The following DNMBP variants were observed in gnomAD, a reference collection of about 807,000 sequenced individuals.
The protein encoded by DNMBP is dynamin binding protein.
DNMBP carries 87 observed loss-of-function variants against 150.0 expected under a neutral mutation model. The observed-to-expected ratio is 0.58, with a 90% CI of 0.49 to 0.69. The LOEUF (loss-of-function observed/expected upper bound fraction) is 0.69, where lower values mean the gene tolerates loss of function less well. DNMBP is among the 30% of genes least tolerant of loss of function. The probability of loss-of-function intolerance (pLI) is 0.00; values close to 1 mark genes in which losing one functional copy is unlikely to be tolerated. For synonymous variants in DNMBP, 711 were observed against 750.4 expected, an observed-to-expected ratio of 0.95 and a Z score of 0.86; for missense variants, 1,774 against 1,949.0, an observed-to-expected ratio of 0.91 and a Z score of 1.69.
chr10:100,002,566 GCT>G (rs1220399785), intron 1 of DNMBP, among the ~76,000 whole-genome samples: 1 of 152,102 alleles, frequency 6.6e-6, no homozygotes, highest in Admixed American at 6.6e-5. Context: ...CCTGAGTATG[GCT>G]CTTTCTCTCA....
chr10:99,998,691 T>C (rs1382093516), intron 1 of DNMBP, among the ~76,000 whole-genome samples: 1 of 151,904 alleles, frequency 6.6e-6, no homozygotes, highest in Non-Finnish European at 1.5e-5. Flanking sequence ...AAGTGGGAAA[T>C]TGTGAACATT....
chr10:99,915,109 ATATAT>A (rs1262427703), intron 4 of DNMBP, among the ~76,000 whole-genome samples: 1 of 53,816 alleles, frequency 1.9e-5, no homozygotes, highest in East Asian at 3.1e-4. Flanking sequence ...AAAAAAAAAA[ATATAT>A]ATATATATAT....
At chr10:99,885,555 G>A in intron 14 of DNMBP, 132 bp downstream of exon 14, 1 of 871,082 alleles carries the variant, frequency 1.1e-6, no homozygotes, top group Admixed American at 3.0e-5. Flanking sequence ...TGATGGGTGA[G>A]AATGCAACAC....
chr10:99,889,163 C>G, intron 11 of DNMBP: 1 of 519,618 alleles, frequency 1.9e-6, no homozygotes, highest in Non-Finnish European at 3.3e-6. Flanking sequence ...TAATTCTTAA[C>G]AAAACTGTTG....
chr10:100,003,614 G>C (rs1023546053), intron 1 of DNMBP, among the ~76,000 whole-genome samples: 4 of 152,166 alleles, frequency 2.6e-5, no homozygotes, highest in African/African-American at 9.7e-5. Context: ...AGCACACTTT[G>C]AGGTGGGAAG....
At chr10:99,959,238 T>C (rs1209850728) in intron 3 of DNMBP, among the ~76,000 whole-genome samples, 1 of 152,232 alleles carries the variant, frequency 6.6e-6, no homozygotes, top group Non-Finnish European at 1.5e-5. Context: ...AATAGACTGA[T>C]AAACAAGTTT....
chr10:99,907,946 A>G (rs375905392), intron 6 of DNMBP, 49 bp downstream of exon 6: 12 of 1,436,578 alleles, frequency 8.4e-6, no homozygotes, highest in African/African-American at 2.8e-5. Context: ...ACTCCTGCCC[A>G]TGAAGTTTTT....
intron 4 of DNMBP, among the ~76,000 whole-genome samples, chr10:99,922,098 G>A (rs934834104): frequency 6.6e-6 from 1 of 152,054 alleles, no homozygotes; most frequent in Non-Finnish European, 1.5e-5. Context: ...ATGACTACCA[G>A]CACTGTCACA....
At chr10:99,978,997 A>C (rs1564752619) in intron 1 of DNMBP, among the ~76,000 whole-genome samples, 2 of 152,226 alleles carry the variant, frequency 1.3e-5, no homozygotes, top group Non-Finnish European at 2.9e-5. Flanking sequence ...AATGGCAGTA[A>C]ATCTGATTAA....
Position 99,879,821 on chromosome 10 carries a change from T to C in DNMBP, c.4538A>G (p.Glu1513Gly), listed in dbSNP as rs760025415. The C allele has an allele frequency of 6.2e-6, 10 of 1,613,936 alleles. No homozygotes were observed. The highest frequency in any genetic ancestry group is 1.1e-5 in the South Asian group (1 of 91,080). Residue 1513 changes from glutamate (E) to glycine (G), a missense_variant, in exon 16 of 17, where the codon GAA becomes GGA. Around this residue, in one of 2 missense-constraint regions of DNMBP, gnomAD observed 1,430 missense variants for 1,492.5 expected, o/e 0.96. Coordinates refer to ENST00000324109, the MANE Select transcript of DNMBP (RefSeq NM_015221.4). ...CTCTTACGCACTCACCTGGTTGCCT[T>C]CTGCCTCACTGCCATCTGGCTCTGT... is the stretch of plus-strand genomic sequence containing the variant. ...RSTEPDGSEAEGNQVYFAVYT... is the reference protein window; with the variant it reads ...RSTEPDGSEAGGNQVYFAVYT...
At chr10:99,935,530 G>A (rs2040220076) in intron 4 of DNMBP, among the ~76,000 whole-genome samples, 1 of 152,094 alleles carries the variant, frequency 6.6e-6, no homozygotes, top group Non-Finnish European at 1.5e-5. Flanking sequence ...GAGACTACAG[G>A]CAATAGCCAC....
At chr10:99,984,023 CTTCAGGATTGA>C (rs912560732) in intron 1 of DNMBP, among the ~76,000 whole-genome samples, 6 of 152,172 alleles carry the variant, frequency 3.9e-5, no homozygotes, top group Admixed American at 2.6e-4. Flanking sequence ...AATAAGAAAG[CTTCAGGATTGA>C]CTCTCACAGT....
chr10:99,961,665 T>G (rs1003040411), intron 3 of DNMBP, among the ~76,000 whole-genome samples: 10 of 152,242 alleles, frequency 6.6e-5, no homozygotes, highest in Admixed American at 1.3e-4. Context: ...GTCTACCAAT[T>G]GATTCATGAC....
At chr10:99,926,310 G>C (rs1488748533) in intron 4 of DNMBP, among the ~76,000 whole-genome samples, 2 of 151,886 alleles carry the variant, frequency 1.3e-5, no homozygotes, top group East Asian at 3.9e-4. Flanking sequence ...CTAGAGATGT[G>C]GTCTCACTCT....
At position 99,899,791 on chromosome 10, in the gene DNMBP, T is replaced by G. The variant is rs2039712239; in HGVS notation, c.2702+128A>C. On this transcript the variant is annotated intron_variant, in intron 7 of 16. Coordinates refer to ENST00000324109, the MANE Select transcript of DNMBP (RefSeq NM_015221.4). ...GACAAAAATACAATCAGGAAACCACTTAAATGATATATATCATGGATATCT... is the reference window on the plus strand; with the variant it reads ...GACAAAAATACAATCAGGAAACCACGTAAATGATATATATCATGGATATCT... The G allele has an allele frequency of 8.3e-6, 9 of 1,086,062 alleles. No homozygotes were observed. The South Asian group carries it at 9.1e-5, about 11-fold the overall frequency. The allele number at this position is 1,086,062 out of a possible 1,614,324, so 67.3% of individuals were successfully genotyped here. A position where few individuals can be genotyped will look rare whatever the true frequency, so the allele number is the denominator to read the frequency against.
intron 1 of DNMBP, among the ~76,000 whole-genome samples, chr10:99,998,524 G>A (rs191957252): frequency 5.6e-4 from 80 of 144,144 alleles, no homozygotes; most frequent in Non-Finnish European, 9.8e-4. Context: ...AGGTTGCAGT[G>A]AGCCAAGATC....
intron 4 of DNMBP, chr10:99,930,286 C>CAGTCA: frequency 1.4e-6 from 1 of 702,968 alleles, no homozygotes. Flanking sequence ...CCCCTACAGT[C>CAGTCA]AGTCAACTGT....
intron 1 of DNMBP, among the ~76,000 whole-genome samples, chr10:99,980,446 CAAAAA>C (rs35133099): frequency 8.5e-6 from 1 of 118,178 alleles, no homozygotes; most frequent in Admixed American, 8.8e-5. Context: ...GACTCCGTCT[CAAAAA>C]AAAAAAAAAA....
chr10:99,917,912 T>C (rs2039981543), intron 4 of DNMBP, among the ~76,000 whole-genome samples: 1 of 145,456 alleles, frequency 6.9e-6, no homozygotes, highest in Middle Eastern at 3.5e-3. Context: ...GAGGTTGCAT[T>C]GAGCCAAGAT....
Sources: gnomAD v4.1 joint callset for allele counts (sites outside exome capture counted in the v4.1 genomes callset) on GRCh38, gnomAD v4.1.1 for gene constraint, gnomAD v4.1.1 regional missense constraint, MANE v1.5 for transcripts, NCBI Gene and HGNC (gene_info 2026-07-23, HGNC 2026-07-21) for gene names.